Variants in SUCO observed in about 807,000 individuals in gnomAD.
SUCO encodes the protein SUN domain containing ossification factor, also known as SUN domain-containing ossification factor.
Under a neutral mutation model 148.1 loss-of-function variants are expected in SUCO, and 57 were observed. The observed-to-expected ratio is 0.38, with a 90% CI of 0.31 to 0.48. The LOEUF is 0.48. Among genes scored for constraint, SUCO ranks in the 20% least tolerant of loss-of-function variants. The probability of loss-of-function intolerance (pLI) is 0.96; values close to 1 mark genes in which losing one functional copy is unlikely to be tolerated. For missense variants in SUCO, 1,331 were observed against 1,468.2 expected, an observed-to-expected ratio of 0.91 and a Z score of 1.53; for synonymous variants, 470 against 502.7, an observed-to-expected ratio of 0.93 and a Z score of 0.87.
intron 15 of SUCO, among the ~76,000 whole-genome samples, chr1:172,579,550 T>A (rs1034791249): frequency 2.0e-5 from 3 of 152,100 alleles, no homozygotes; most frequent in African/African-American, 7.2e-5. Flanking sequence ...GGCTATGGAT[T>A]TTCTTGGGGA....
intron 9 of SUCO, among the ~76,000 whole-genome samples, chr1:172,571,392 C>A (rs1654968449): frequency 6.6e-6 from 1 of 152,128 alleles, no homozygotes; most frequent in African/African-American, 2.4e-5. Context: ...GTGCAGTGGC[C>A]TGATCTCGGC....
Position 172,570,112 on chromosome 1 carries a change from A to G in SUCO, c.922A>G (p.Asn308Asp). The G allele has an allele frequency of 6.3e-7, 1 of 1,596,660 alleles. No homozygotes were observed. Among genetic ancestry groups the G allele is most frequent in the Non-Finnish European group, 8.5e-7 (1 of 1,169,948 alleles). ...CACCAAAAAGGTCCAGAAAAATCGA[A>G]ATAATTATGCCTCAGTAGAATGTGG... The part of the protein sequence containing the change: ...HATKKVQKNR[N>D]NYASVECGAK... The change falls in exon 8 of 24, where the codon AAT becomes GAT. Residue 308 changes from asparagine to aspartate, a missense_variant. Physicochemically the swap from Asn to Asp is conservative, Grantham distance 23. Coordinates refer to ENST00000263688, the MANE Select transcript of SUCO (RefSeq NM_014283.5).
chr1:172,599,956 A>G (rs1250408854), intron 19 of SUCO, 108 bp from the exon 20 acceptor site: 12 of 738,810 alleles, frequency 1.6e-5, no homozygotes, highest in Non-Finnish European at 2.5e-5. Flanking sequence ...CTATTAATAC[A>G]TTTGTTTTGG....
intron 1 of SUCO, 71 bp downstream of exon 1, chr1:172,533,568 C>T (rs1418536562): frequency 2.1e-6 from 3 of 1,446,044 alleles, no homozygotes; most frequent in African/African-American, 1.5e-5. Context: ...AGGTCACACC[C>T]CCTGGTCATT....
At chr1:172,572,567 G>C (rs897216593) in intron 9 of SUCO, among the ~76,000 whole-genome samples, 1 of 151,832 alleles carries the variant, frequency 6.6e-6, no homozygotes, top group Non-Finnish European at 1.5e-5. Flanking sequence ...CACTGCGGAA[G>C]GCCGCAGGGT....
intron 1 of SUCO, among the ~76,000 whole-genome samples, chr1:172,539,274 A>AGTT (rs1344787548): frequency 6.6e-6 from 1 of 152,212 alleles, no homozygotes; most frequent in Non-Finnish European, 1.5e-5. Context: ...TTTGTTTAGT[A>AGTT]GTTTATACAT....
intron 6 of SUCO, chr1:172,568,414 C>A: frequency 1.0e-6 from 1 of 971,214 alleles, no homozygotes; most frequent in Non-Finnish European, 1.2e-6. Flanking sequence ...GTGACTTATT[C>A]GTCCATGTCA....
chr1:172,610,124 A>C lies in SUCO; in HGVS notation c.3630A>C (p.Gln1210His), dbSNP rs1252439507. The C allele has an allele frequency of 1.2e-6, 2 of 1,613,844 alleles. No homozygotes were observed. The highest frequency in any genetic ancestry group is 4.5e-5 in the East Asian group (2 of 44,858). ...RALKRRRSKV[Q>H]DQGKLIKTLI... ...TAAAACGAAGACGATCTAAAGTCCA[A>C]GACCAAGGAAAATTGATAAAAACTC... Residue 1210 changes from glutamine (Q) to histidine (H), a missense_variant, in exon 24 of 24, where the codon CAA (glutamine) becomes CAC (histidine). Coordinates refer to ENST00000263688, the MANE Select transcript of SUCO (RefSeq NM_014283.5).
In SUCO at chr1:172,557,669, G is replaced by T; in HGVS notation, c.607G>T (p.Val203Leu). Residue 203 changes from valine to leucine, a missense_variant, in exon 6 of 24, where the codon GTA (valine) becomes TTA (leucine). Val to Leu is a conservative substitution (Grantham distance 32). Transcript: ENST00000263688. The part of the protein sequence containing the change: ...DSLVGQHIEN[V>L]SSSHGKGKIT... Reference sequence around the variant, plus strand: ...CCTTGTTGGCCAGCATATAGAAAATGTATCATCTTCACATGGTAAAGGAAA... The same window carrying T: ...CCTTGTTGGCCAGCATATAGAAAATTTATCATCTTCACATGGTAAAGGAAA... The T allele has an allele frequency of 6.2e-7, 1 of 1,604,520 alleles. No homozygotes were observed. Among genetic ancestry groups the T allele is most frequent in the South Asian group, 1.1e-5 (1 of 88,658 alleles).
At chr1:172,598,401 T>C (rs918304183) in intron 19 of SUCO, among the ~76,000 whole-genome samples, 3 of 152,226 alleles carry the variant, frequency 2.0e-5, no homozygotes, top group African/African-American at 7.2e-5. Flanking sequence ...TTTATTCTTT[T>C]ACAAGATTGT....
chr1:172,549,453 TAAAA>T (rs907364257), intron 1 of SUCO, among the ~76,000 whole-genome samples: 2 of 151,968 alleles, frequency 1.3e-5, no homozygotes, highest in Non-Finnish European at 1.5e-5. Context: ...GATAGTATGA[TAAAA>T]AACAATGGTT....
chr1:172,578,325 A>G lies in SUCO; in HGVS notation c.1368A>G (p.Glu456=), dbSNP rs2285664. The part of the protein sequence containing the change: ...IRVFGTSMVE[E]YEEIADSQYH... Reference sequence around the variant, plus strand: ...TATTTGGCACTAGCATGGTGGAAGAATATGAAGAAATTGCTGATTCCCAGT... The same window carrying G: ...TATTTGGCACTAGCATGGTGGAAGAGTATGAAGAAATTGCTGATTCCCAGT... Residue 456 remains glutamate (E), a synonymous_variant, in exon 14 of 24, where the codon GAA becomes GAG. Transcript: ENST00000263688. The G allele has an allele frequency of 0.24, 381,621 of 1,608,236 alleles. 47,429 individuals are homozygous for G. Among genetic ancestry groups the G allele is most frequent in the South Asian group, 0.37 (33,392 of 90,930 alleles).
At chr1:172,571,663 T>C (rs2149246588) in intron 9 of SUCO, among the ~76,000 whole-genome samples, 1 of 124,082 alleles carries the variant, frequency 8.1e-6, no homozygotes, top group South Asian at 3.0e-4. Context: ...GGAGCTTCTC[T>C]GCCCGGCCGC....
chr1:172,562,909 T>A (rs1312115657), intron 6 of SUCO, among the ~76,000 whole-genome samples: 1 of 152,120 alleles, frequency 6.6e-6, no homozygotes, highest in African/African-American at 2.4e-5. Context: ...CCCTTGCTGT[T>A]CTTGTGATAG....
intron 17 of SUCO, 113 bp downstream of exon 17, chr1:172,586,061 C>A: frequency 1.6e-6 from 1 of 623,936 alleles, no homozygotes; most frequent in South Asian, 3.2e-5. Context: ...GTAGAGAGCT[C>A]TGAATCATAG....
chr1:172,593,468 A>C (rs1656828738), intron 19 of SUCO, among the ~76,000 whole-genome samples: 1 of 152,192 alleles, frequency 6.6e-6, no homozygotes, highest in South Asian at 2.1e-4. Flanking sequence ...TAGTTAATTG[A>C]GAGTTTTTAG....
intron 15 of SUCO, among the ~76,000 whole-genome samples, chr1:172,579,624 A>G (rs1655727332): frequency 6.6e-6 from 1 of 152,080 alleles, no homozygotes; most frequent in African/African-American, 2.4e-5. Context: ...CCATTTAGTT[A>G]CAAAATATAA....
At chr1:172,553,134 A>G (rs1653431681) in intron 2 of SUCO, 126 bp from the exon 3 acceptor site, 13 of 1,033,680 alleles carry the variant, frequency 1.3e-5, no homozygotes, top group Non-Finnish European at 1.7e-5. Context: ...AATGAAATTA[A>G]TTAGAGTCAA....
intron 6 of SUCO, among the ~76,000 whole-genome samples, chr1:172,561,435 C>T (rs1435320042): frequency 1.3e-5 from 2 of 151,976 alleles, no homozygotes; most frequent in East Asian, 1.9e-4. Flanking sequence ...ATGTTGATGA[C>T]GAATCTAGCA....
Sources: gnomAD v4.1 joint callset for allele counts (sites outside exome capture counted in the v4.1 genomes callset) on GRCh38, gnomAD v4.1.1 for gene constraint, MANE v1.5 for transcripts, NCBI Gene and HGNC (gene_info 2026-07-23, HGNC 2026-07-21) for gene names.